Variants in MMEL1 observed in about 807,000 individuals in gnomAD.
The protein encoded by MMEL1 is membrane metalloendopeptidase like 1, also known as membrane metallo-endopeptidase-like 1.
Under a neutral mutation model 117.1 loss-of-function variants are expected in MMEL1, and 98 were observed. That is an observed-to-expected ratio of 0.84 (90% CI 0.71 to 0.99). The LOEUF (loss-of-function observed/expected upper bound fraction) is 0.99, where lower values mean the gene tolerates loss of function less well. MMEL1 is among the 50% of genes least tolerant of loss of function. The pLI, the probability that MMEL1 is intolerant of heterozygous loss-of-function variation, is 0.00. For synonymous variants in MMEL1, 390 were observed against 415.1 expected, an observed-to-expected ratio of 0.94 and a Z score of 0.74; for missense variants, 1,014 against 1,049.1, an observed-to-expected ratio of 0.97 and a Z score of 0.46.
intron 6 of MMEL1, among the ~76,000 whole-genome samples, chr1:2,607,567 T>C (rs10797437): frequency 0.45 from 68,078 of 151,464 alleles, 16,765 homozygotes; most frequent in African/African-American, 0.65. Context: ...AAGCAGGGCT[T>C]TTGCAGTCGA....
At position 2,605,511 on chromosome 1, in the gene MMEL1, G is replaced by A. The variant is rs554855981; in HGVS notation, c.816+47C>T. The A allele has an allele frequency of 2.3e-5, 35 of 1,553,000 alleles. No homozygotes were observed. The East Asian group carries it at 7.7e-4, about 34-fold the overall frequency. On this transcript the variant is annotated intron_variant, in intron 9 of 23. Coordinates refer to ENST00000378412, the MANE Select transcript of MMEL1 (RefSeq NM_033467.4). ...AACGGGAAGGCCAGACCACGGGGTA[G>A]GGGGTGATGGGGGGGTCATCTGGCA...
rs1308170095 is a variant in MMEL1, at chr1:2,592,932, A to G, written c.1902T>C (p.Asp634=). The G allele has an allele frequency of 1.9e-6, 3 of 1,613,632 alleles. No homozygotes were observed. The highest frequency in any genetic ancestry group is 2.5e-6 in the Non-Finnish European group (3 of 1,179,934). Reference sequence around the variant, plus strand: ...GCTGGGTGGAGAAGTTACTCCACCAATCCATCATGTTGCCATTCTTGTCGA... The same window carrying G: ...GCTGGGTGGAGAAGTTACTCCACCAGTCCATCATGTTGCCATTCTTGTCGA... The part of the protein sequence containing the change: ...RNFDKNGNMM[D]WWSNFSTQHF... Residue 634 remains aspartate, a synonymous_variant, in exon 20 of 24, where the codon GAT becomes GAC. Transcript: ENST00000378412.
chr1:2,610,425 G>A (rs890711869), intron 4 of MMEL1, among the ~76,000 whole-genome samples: 1 of 152,138 alleles, frequency 6.6e-6, no homozygotes, highest in Non-Finnish European at 1.5e-5. Context: ...GGTCTGACTT[G>A]CAGGCTGAGG....
In MMEL1 at chr1:2,591,024, G is replaced by C; in HGVS notation, c.2306C>G (p.Pro769Arg). 1 of 1,604,872 alleles carries C rather than the reference G, an allele frequency of 6.2e-7. No individual in the cohort carries two copies. ...ADTFHCARGT[P>R]MHPKERCRVW is the part of the protein sequence containing the mutation. ...GCGGCATCGCTCCTTGGGGTGCATGGGGGTGCCCCGGGCACAGTGGAACGT... is the reference window on the plus strand; with the variant it reads ...GCGGCATCGCTCCTTGGGGTGCATGCGGGTGCCCCGGGCACAGTGGAACGT... Residue 769 changes from proline (P) to arginine (R), a missense_variant, in exon 24 of 24, where the codon CCC becomes CGC. Pro to Arg is a moderately radical substitution (Grantham distance 103). Transcript: ENST00000378412.
intron 11 of MMEL1, among the ~76,000 whole-genome samples, chr1:2,599,290 A>G (rs1043829088): frequency 1.6e-4 from 25 of 152,274 alleles, no homozygotes; most frequent in Non-Finnish European, 3.7e-4. Context: ...CAGAGTAAAT[A>G]ATAAGCCAGT....
chr1:2,630,939 A>C (rs1215191113), intron 1 of MMEL1, among the ~76,000 whole-genome samples: 1 of 141,130 alleles, frequency 7.1e-6, no homozygotes, highest in Non-Finnish European at 1.5e-5. Context: ...GTGTGCGTGG[A>C]TATGCACGTG....
rs1644669642 is a variant in MMEL1 at position 2,590,758 on chromosome 1, G to A, written c.*232C>T. 7.5e-6 allele frequency: 3 copies of A among 402,484 alleles called. No homozygotes were observed. The highest frequency in any genetic ancestry group is 1.3e-5 in the Non-Finnish European group (3 of 228,134). 24.9% of individuals were successfully genotyped at this position (402,484 alleles called of 1,614,324 possible). The stretch of plus-strand genomic sequence containing the variant: ...TACAGAGCTGTGACGGGGGCACTGA[G>A]CCCCGCGGGTGTCTGTGGAGGGGGC... On this transcript the variant is annotated 3_prime_UTR_variant, in exon 24 of 24. Coordinates refer to ENST00000378412, the MANE Select transcript of MMEL1 (RefSeq NM_033467.4).
At chr1:2,629,870 G>A (rs1035180347) in intron 1 of MMEL1, 2 of 185,162 alleles carry the variant, frequency 1.1e-5, no homozygotes, top group Non-Finnish European at 2.2e-5. Context: ...GTGGGCCTGA[G>A]CGCTAGGTCA....
intron 11 of MMEL1, among the ~76,000 whole-genome samples, chr1:2,601,426 C>T (rs978828028): frequency 1.3e-5 from 2 of 152,084 alleles, no homozygotes; most frequent in Admixed American, 6.5e-5. Context: ...GAAACAATTC[C>T]TACATCTCAC....
At chr1:2,598,125 G>T in intron 13 of MMEL1, 82 bp downstream of exon 13, 1 of 1,329,158 alleles carries the variant, frequency 7.5e-7, no homozygotes, top group Non-Finnish European at 1.1e-6. Flanking sequence ...GTGGACCTCG[G>T]TGTTTGCCTA....
chr1:2,591,794 C>T (rs1644718738), intron 22 of MMEL1, 138 bp downstream of exon 22: 2 of 1,069,666 alleles, frequency 1.9e-6, no homozygotes, highest in African/African-American at 1.6e-5. Context: ...CTGTCCAGCT[C>T]CCGCCCCCTG....
chr1:2,594,671 C>T (rs1192071442), intron 17 of MMEL1, 119 bp downstream of exon 17: 7 of 966,362 alleles, frequency 7.2e-6, no homozygotes, highest in Non-Finnish European at 1.1e-5. Context: ...GACTGCACCC[C>T]TCAGCTGGCA....
In MMEL1 at chr1:2,607,236, G is replaced by A. The variant is rs900389416; in HGVS notation, c.536-167C>T. 5.9e-5 allele frequency among the ~76,000 whole-genome samples: 9 copies of A among 152,226 alleles called. No individual in the cohort carries two copies. The East Asian group carries it at 9.6e-4, about 16-fold the overall frequency. On this transcript the variant is annotated intron_variant, in intron 6 of 23. Coordinates refer to ENST00000378412, the MANE Select transcript of MMEL1 (RefSeq NM_033467.4). ...TGGGCCTTTACACCTGCACCCTCCC[G>A]TCACAGGTCAGCATCTTGGCAGCTC... is the stretch of plus-strand genomic sequence containing the variant.
Position 2,609,333 on chromosome 1 carries a change from A to C in MMEL1, c.535+6T>G. Reference sequence around the variant, plus strand: ...CCTCGGCCCCTTCCTGGCGGCCCCCACTCACTCTGGTTCATGCAGGAGCGG... The same window carrying C: ...CCTCGGCCCCTTCCTGGCGGCCCCCCCTCACTCTGGTTCATGCAGGAGCGG... On this transcript the variant is annotated splice_donor_region_variant and intron_variant, in intron 6 of 23. Transcript: ENST00000378412. 1 of 1,607,838 alleles carries C rather than the reference A, an allele frequency of 6.2e-7. No individual in the cohort carries two copies.
intron 23 of MMEL1, 74 bp downstream of exon 23, chr1:2,591,483 T>G: frequency 1.6e-6 from 2 of 1,262,218 alleles, no homozygotes; most frequent in East Asian, 2.3e-5. Flanking sequence ...TTGTGCTTTC[T>G]TCTTTTACAG....
intron 12 of MMEL1, 77 bp from the exon 13 acceptor site, chr1:2,598,377 T>C: frequency 6.9e-7 from 1 of 1,459,090 alleles, no homozygotes; most frequent in Non-Finnish European, 9.6e-7. Context: ...CTTAGGGCCC[T>C]TGGCCAGCAC....
At chr1:2,602,593 C>T (rs1320623583) in intron 11 of MMEL1, among the ~76,000 whole-genome samples, 2 of 152,230 alleles carry the variant, frequency 1.3e-5, no homozygotes, top group East Asian at 1.9e-4. Flanking sequence ...CCTGCCCCGT[C>T]CCCTTCACTC....
rs762097290 is a variant in MMEL1, at chr1:2,609,419, G to A, written c.455C>T (p.Ala152Val). 7 of 1,608,794 alleles carry A rather than the reference G, an allele frequency of 4.4e-6. No individual in the cohort carries two copies. Among genetic ancestry groups the A allele is most frequent in the African/African-American group, 1.3e-5 (1 of 74,978 alleles). ...LRDELEVILKAVLENSTAKDR... is the reference protein window; with the variant it reads ...LRDELEVILKVVLENSTAKDR... ...CTTGGCAGTCGAATTCTCCAGCACC[G>A]CTGTGGGCACAGGAAAAGGTTGGAC... The change falls in exon 6 of 24, where the codon GCG becomes GTG. Residue 152 changes from alanine to valine, a missense_variant and splice_region_variant. Ala to Val is a moderately conservative substitution (Grantham distance 64). Coordinates refer to ENST00000378412, the MANE Select transcript of MMEL1 (RefSeq NM_033467.4).
intron 11 of MMEL1, among the ~76,000 whole-genome samples, chr1:2,599,389 G>C (rs933563594): frequency 6.6e-6 from 1 of 152,160 alleles, no homozygotes; most frequent in Non-Finnish European, 1.5e-5. Context: ...ATATATCACA[G>C]CTGAATTAGA....
Sources: allele counts gnomAD v4.1 joint callset (sites outside exome capture counted in the v4.1 genomes callset), GRCh38; gene constraint gnomAD v4.1.1; transcripts MANE v1.5; gene names NCBI Gene and HGNC (gene_info 2026-07-23, HGNC 2026-07-21).